Variants in PARD3 observed in about 807,000 individuals in gnomAD.
The protein encoded by PARD3 is par-3 family cell polarity regulator, also known as partitioning defective 3 homolog.
PARD3 carries 75 observed loss-of-function variants against 155.4 expected under a neutral mutation model. The ratio of observed to expected loss-of-function variants is 0.48; its 90% CI spans 0.40 to 0.58. The LOEUF (loss-of-function observed/expected upper bound fraction) is 0.58. Ranked by LOEUF, PARD3 falls within the 20% of genes least tolerant of loss-of-function variation. The pLI is 0.00. For missense variants in PARD3, 1,642 were observed against 1,721.7 expected, an observed-to-expected ratio of 0.95 and a Z score of 0.82; for synonymous variants, 576 against 610.5, an observed-to-expected ratio of 0.94 and a Z score of 0.83.
intron 22 of PARD3, among the ~76,000 whole-genome samples, chr10:34,196,939 T>C (rs1950972522): frequency 6.6e-6 from 1 of 152,200 alleles, no homozygotes; most frequent in African/African-American, 2.4e-5. Flanking sequence ...CTAATTCTTT[T>C]GATACTGGCG....
chr10:34,796,106 T>C (rs574314137), intron 1 of PARD3, among the ~76,000 whole-genome samples: 46 of 152,084 alleles, frequency 3.0e-4, no homozygotes, highest in Non-Finnish European at 1.0e-4. Flanking sequence ...CTAAGTTCCA[T>C]GGAAAAGCTA....
At chr10:34,481,360 G>A (rs957569191) in intron 3 of PARD3, among the ~76,000 whole-genome samples, 1 of 152,146 alleles carries the variant, frequency 6.6e-6, no homozygotes, top group Non-Finnish European at 1.5e-5. Flanking sequence ...GACATCAGAG[G>A]TGAAAAGCCT....
chr10:34,135,567 T>A (rs1261424107), intron 22 of PARD3, among the ~76,000 whole-genome samples: 1 of 152,186 alleles, frequency 6.6e-6, no homozygotes, highest in Non-Finnish European at 1.5e-5. Context: ...AATTGGATAC[T>A]ACTATGTGCT....
At chr10:34,615,436 G>T (rs1184937818) in intron 2 of PARD3, among the ~76,000 whole-genome samples, 1 of 152,140 alleles carries the variant, frequency 6.6e-6, no homozygotes, top group East Asian at 1.9e-4. Flanking sequence ...AGACCCCTAT[G>T]TCTCTCCATA....
intron 1 of PARD3, among the ~76,000 whole-genome samples, chr10:34,773,899 C>T: frequency 6.6e-6 from 1 of 152,146 alleles, no homozygotes; most frequent in East Asian, 1.9e-4. Flanking sequence ...AGACTTAATT[C>T]CATCACTGAT....
At chr10:34,297,460 G>A (rs978255181) in intron 20 of PARD3, among the ~76,000 whole-genome samples, 22 of 152,056 alleles carry the variant, frequency 1.4e-4, no homozygotes, top group African/African-American at 3.4e-4. Context: ...TTTAAAACAC[G>A]TAGCACACTG....
intron 2 of PARD3, among the ~76,000 whole-genome samples, chr10:34,688,449 G>A (rs1039406115): frequency 9.8e-5 from 15 of 152,302 alleles, no homozygotes; most frequent in South Asian, 2.1e-4. Flanking sequence ...CTAAATGGTG[G>A]TGAAGATAAC....
chr10:34,454,648 C>T (rs1025340107), intron 4 of PARD3, among the ~76,000 whole-genome samples: 2 of 152,070 alleles, frequency 1.3e-5, no homozygotes, highest in Admixed American at 6.6e-5. Flanking sequence ...ATTACTCTCC[C>T]GTTTTTAAAT....
At chr10:34,448,918 C>CTTTT (rs751029992) in intron 5 of PARD3, among the ~76,000 whole-genome samples, 3 of 133,816 alleles carry the variant, frequency 2.2e-5, no homozygotes, top group African/African-American at 8.9e-5. Flanking sequence ...GATAAATTAT[C>CTTTT]TTTTTTTTTT....
chr10:34,479,732 C>T (rs1383435907), intron 3 of PARD3, among the ~76,000 whole-genome samples: 1 of 152,106 alleles, frequency 6.6e-6, no homozygotes, highest in Non-Finnish European at 1.5e-5. Context: ...CTTTGCCCTC[C>T]TCTCCACCCA....
At chr10:34,126,097 C>A (rs140384971) in intron 23 of PARD3, among the ~76,000 whole-genome samples, 84 of 152,280 alleles carry the variant, frequency 5.5e-4, no homozygotes, top group African/African-American at 2.0e-3. Flanking sequence ...TTATGTTGCA[C>A]CTGGCACTAC....
chr10:34,139,209 T>C (rs1032949171), intron 22 of PARD3, among the ~76,000 whole-genome samples: 2 of 152,208 alleles, frequency 1.3e-5, no homozygotes, highest in African/African-American at 2.4e-5. Flanking sequence ...CTTCTAAGAC[T>C]CAATTCACTT....
chr10:34,269,659 G>A lies in PARD3; in HGVS notation c.3417C>T (p.Asp1139=). The A allele has an allele frequency of 6.2e-7, 1 of 1,613,904 alleles. No individual in the cohort carries two copies. The highest frequency in any genetic ancestry group is 8.5e-7 in the Non-Finnish European group (1 of 1,179,868). Residue 1139 remains aspartate (D), a splice_region_variant and synonymous_variant, in exon 22 of 25, where the codon GAC becomes GAT. Transcript: ENST00000374788. ...CCACGATTGCCCCTGGCGCCTACCT[G>A]TCTACAGGTGAGGGTTTGGAATTCC... ...KPRNSKPSPV[D]SNRSTPSNHD...
intron 1 of PARD3, among the ~76,000 whole-genome samples, chr10:34,748,199 G>A (rs1243706463): frequency 1.3e-5 from 2 of 152,204 alleles, no homozygotes; most frequent in African/African-American, 4.8e-5. Flanking sequence ...GCCAGGCGTG[G>A]TGGCTCACGC....
chr10:34,149,474 T>C (rs1763029033), intron 22 of PARD3, among the ~76,000 whole-genome samples: 1 of 152,128 alleles, frequency 6.6e-6, no homozygotes, highest in South Asian at 2.1e-4. Flanking sequence ...AAAGCCAATA[T>C]GACAAATGGT....
intron 2 of PARD3, among the ~76,000 whole-genome samples, chr10:34,529,137 C>CA (rs888862317): frequency 2.6e-5 from 4 of 152,068 alleles, no homozygotes; most frequent in Non-Finnish European, 4.4e-5. Context: ...GTCCATGGTA[C>CA]AAAAAAGAGT....
intron 2 of PARD3, among the ~76,000 whole-genome samples, chr10:34,569,204 T>C (rs1187943142): frequency 3.9e-5 from 6 of 152,092 alleles, no homozygotes; most frequent in Non-Finnish European, 7.4e-5. Context: ...AACATCAACA[T>C]GTGGAAATTG....
At chr10:34,492,434 C>T (rs1295431860) in intron 3 of PARD3, among the ~76,000 whole-genome samples, 1 of 152,164 alleles carries the variant, frequency 6.6e-6, no homozygotes, top group Admixed American at 6.5e-5. Context: ...TACCTTCTAT[C>T]TTAAAAACTT....
chr10:34,600,049 A>AT (rs1356588954), intron 2 of PARD3, among the ~76,000 whole-genome samples: 21 of 152,004 alleles, frequency 1.4e-4, no homozygotes, highest in Admixed American at 1.2e-3. Flanking sequence ...AAAAGAAATA[A>AT]AAGGGCCAGG....
Sources: gnomAD v4.1 joint callset for allele counts (sites outside exome capture counted in the v4.1 genomes callset) on GRCh38, gnomAD v4.1.1 for gene constraint, MANE v1.5 for transcripts, NCBI Gene and HGNC (gene_info 2026-07-23, HGNC 2026-07-21) for gene names.